Variants in BCAT1 observed in about 807,000 individuals in gnomAD.
The protein encoded by BCAT1 is branched chain amino acid transaminase 1.
BCAT1 carries 48 observed loss-of-function variants against 52.4 expected under a neutral mutation model. That is an observed-to-expected ratio of 0.92 (90% CI 0.73 to 1.16). BCAT1 has a LOEUF of 1.16. Ranked by LOEUF, BCAT1 falls within the 50% of genes most tolerant of loss-of-function variation. The pLI, the probability that BCAT1 is intolerant of heterozygous loss-of-function variation, is 0.00. For synonymous variants in BCAT1, 167 were observed against 161.3 expected (o/e 1.04, Z -0.27); for missense variants, 451 against 457.1 (o/e 0.99, Z 0.12).
intron 6 of BCAT1, among the ~76,000 whole-genome samples, chr12:24,849,437 G>C (rs1248197044): frequency 6.6e-6 from 1 of 152,226 alleles, no homozygotes; most frequent in Non-Finnish European, 1.5e-5. Context: ...TGCAGCCAGA[G>C]ACCAGCGCCC....
chr12:24,823,863 G>A (rs566631166), intron 10 of BCAT1, among the ~76,000 whole-genome samples: 4 of 152,240 alleles, frequency 2.6e-5, no homozygotes, highest in Admixed American at 1.3e-4. Context: ...CAGGTAGTTC[G>A]TTACAGCAGT....
chr12:24,932,085 G>A (rs956646108), intron 1 of BCAT1, among the ~76,000 whole-genome samples: 1 of 152,100 alleles, frequency 6.6e-6, no homozygotes, highest in African/African-American at 2.4e-5. Flanking sequence ...ATATAGTAAG[G>A]TAAGTAAATA....
intron 10 of BCAT1, among the ~76,000 whole-genome samples, chr12:24,818,676 A>G (rs948861289): frequency 6.6e-6 from 1 of 152,202 alleles, no homozygotes; most frequent in African/African-American, 2.4e-5. Flanking sequence ...TCTAAATCAA[A>G]GTTGTTCATG....
At chr12:24,932,701 A>G (rs149659724) in intron 1 of BCAT1, among the ~76,000 whole-genome samples, 1,700 of 152,324 alleles carry the variant, frequency 0.011, 31 homozygotes, top group African/African-American at 0.038. Context: ...CAGTGGCACA[A>G]TCTTAACTCA....
intron 2 of BCAT1, among the ~76,000 whole-genome samples, chr12:24,899,271 C>A (rs1943032359): frequency 6.6e-6 from 1 of 151,720 alleles, no homozygotes; most frequent in African/African-American, 2.4e-5. Flanking sequence ...CAAGAGAGAC[C>A]CAAAAGGCCA....
chr12:24,922,974 A>G (rs1943523697), intron 1 of BCAT1, among the ~76,000 whole-genome samples: 1 of 152,140 alleles, frequency 6.6e-6, no homozygotes, highest in African/African-American at 2.4e-5. Flanking sequence ...CTCCCAGTGG[A>G]GTCACACAGG....
intron 9 of BCAT1, among the ~76,000 whole-genome samples, chr12:24,830,944 A>G (rs1311886641): frequency 4.6e-5 from 7 of 152,228 alleles, no homozygotes; most frequent in Non-Finnish European, 1.0e-4. Context: ...CAAAACTCCA[A>G]TCAGCTGAGG....
chr12:24,944,794 G>T (rs1473327107), intron 1 of BCAT1, among the ~76,000 whole-genome samples: 1 of 152,174 alleles, frequency 6.6e-6, no homozygotes, highest in East Asian at 1.9e-4. Context: ...ATAAGAAAGA[G>T]CCATATGTTT....
chr12:24,845,509 A>C (rs189162071), intron 6 of BCAT1, among the ~76,000 whole-genome samples: 22 of 152,358 alleles, frequency 1.4e-4, no homozygotes, highest in Middle Eastern at 3.4e-3. Flanking sequence ...ACCAGATTGC[A>C]GGGGACGTCT....
intron 5 of BCAT1, among the ~76,000 whole-genome samples, chr12:24,860,465 A>G (rs1302751399): frequency 6.6e-6 from 1 of 152,192 alleles, no homozygotes; most frequent in African/African-American, 2.4e-5. Context: ...ACTTTGGAGC[A>G]TATTTCTTTC....
chr12:24,859,946 T>A (rs1941807607), intron 5 of BCAT1, among the ~76,000 whole-genome samples: 1 of 152,236 alleles, frequency 6.6e-6, no homozygotes, highest in African/African-American at 2.4e-5. Context: ...GTTATTGGTA[T>A]GTGCTCCAAA....
intron 3 of BCAT1, among the ~76,000 whole-genome samples, chr12:24,888,731 G>C (rs2139631871): frequency 6.6e-6 from 1 of 152,226 alleles, no homozygotes; most frequent in Non-Finnish European, 1.5e-5. Flanking sequence ...CTATAATAAT[G>C]ATACAGGAGT....
At chr12:24,948,789 C>A (rs1943975511) in intron 1 of BCAT1, 138 bp downstream of exon 1, 1 of 941,364 alleles carries the variant, frequency 1.1e-6, no homozygotes, top group Admixed American at 2.2e-5. Flanking sequence ...AAAGAAGATA[C>A]TGAGACGTTT....
chr12:24,823,998 A>T (rs1940265012), intron 10 of BCAT1, among the ~76,000 whole-genome samples: 1 of 152,156 alleles, frequency 6.6e-6, no homozygotes, highest in African/African-American at 2.4e-5. Flanking sequence ...CTTCTCTTTC[A>T]GTCACTTTCA....
intron 9 of BCAT1, among the ~76,000 whole-genome samples, chr12:24,831,885 G>T (rs1940681589): frequency 6.6e-6 from 1 of 152,080 alleles, no homozygotes; most frequent in Non-Finnish European, 1.5e-5. Flanking sequence ...GAAAACAAAA[G>T]TATGGCACAT....
In BCAT1 at chr12:24,829,834, T is replaced by C. The variant is rs1222939054; in HGVS notation, c.1108A>G (p.Thr370Ala). ...KLASRILSKL[T>A]DIQYGREESD... is the part of the protein sequence containing the mutation. ...AAGAAAAGCTTTACCTGGATATCAG[T>C]TAATTTGCTCAAGATGCGGCTTGCC... The change falls in exon 10 of 11, where the codon ACT becomes GCT. Residue 370 changes from threonine (T) to alanine (A), a missense_variant. Coordinates refer to ENST00000261192, the MANE Select transcript of BCAT1 (RefSeq NM_005504.7). The C allele has an allele frequency of 1.2e-6, 2 of 1,609,110 alleles. No individual in the cohort carries two copies. Among genetic ancestry groups the C allele is most frequent in the African/African-American group, 1.3e-5 (1 of 74,708 alleles).
intron 5 of BCAT1, among the ~76,000 whole-genome samples, chr12:24,868,919 G>A (rs1413918160): frequency 6.6e-6 from 1 of 152,160 alleles, no homozygotes; most frequent in African/African-American, 2.4e-5. Flanking sequence ...ATTTGCCATA[G>A]ACTAGGAAGT....
chr12:24,943,915 C>T (rs1029688048), intron 1 of BCAT1, among the ~76,000 whole-genome samples: 5 of 151,400 alleles, frequency 3.3e-5, no homozygotes, highest in Non-Finnish European at 5.9e-5. Flanking sequence ...ACCCAGGAGG[C>T]GGAGCTTGCA....
chr12:24,831,052 C>T (rs1181572497), intron 9 of BCAT1, among the ~76,000 whole-genome samples: 1 of 152,150 alleles, frequency 6.6e-6, no homozygotes, highest in African/African-American at 2.4e-5. Context: ...TTCACTTATA[C>T]GTGGACTTTC....
Sources: allele counts gnomAD v4.1 joint callset (sites outside exome capture counted in the v4.1 genomes callset), GRCh38; gene constraint gnomAD v4.1.1; transcripts MANE v1.5; gene names NCBI Gene and HGNC (gene_info 2026-07-23, HGNC 2026-07-21).